Variants in ASIC2 observed in about 807,000 individuals in gnomAD.
ASIC2 encodes the protein acid-sensing ion channel 2.
In ASIC2, 25 loss-of-function variants were observed where a neutral mutation model predicts 57.3. That is an observed-to-expected ratio of 0.44 (90% CI 0.32 to 0.61). ASIC2 has a LOEUF of 0.61. ASIC2 is among the 20% of genes least tolerant of loss of function. The pLI is 0.06. For missense variants in ASIC2, 641 were observed against 738.1 expected (o/e 0.87, Z 1.52); for synonymous variants, 319 against 307.5 (o/e 1.04, Z -0.39).
intron 1 of ASIC2, among the ~76,000 whole-genome samples, chr17:33,327,324 A>G (rs1392840272): frequency 6.6e-6 from 1 of 152,198 alleles, no homozygotes; most frequent in East Asian, 1.9e-4. Flanking sequence ...TGCTTAGTAC[A>G]GTTTCCAAGG....
intron 1 of ASIC2, among the ~76,000 whole-genome samples, chr17:34,114,554 T>C (rs1034978691): frequency 1.3e-5 from 2 of 152,204 alleles, no homozygotes; most frequent in Admixed American, 1.3e-4. Context: ...CCTAACTTCT[T>C]AGATCCACAT....
At chr17:33,431,033 G>A (rs1353933568) in intron 1 of ASIC2, among the ~76,000 whole-genome samples, 1 of 152,112 alleles carries the variant, frequency 6.6e-6, no homozygotes, top group Admixed American at 6.5e-5. Flanking sequence ...GCAGAGGGGG[G>A]CAGCAAGGTA....
chr17:33,116,820 T>C (rs2141992674), intron 1 of ASIC2, among the ~76,000 whole-genome samples: 1 of 152,276 alleles, frequency 6.6e-6, no homozygotes, highest in Middle Eastern at 3.4e-3. Context: ...TACTTTGTGC[T>C]GACCCCAGAT....
At chr17:33,223,148 C>T (rs190471240) in intron 1 of ASIC2, among the ~76,000 whole-genome samples, 1 of 152,262 alleles carries the variant, frequency 6.6e-6, no homozygotes, top group Non-Finnish European at 1.5e-5. Flanking sequence ...CAACCATCTC[C>T]TTCCCCCTTT....
chr17:34,107,751 T>C (rs1911113501), intron 1 of ASIC2, among the ~76,000 whole-genome samples: 1 of 152,246 alleles, frequency 6.6e-6, no homozygotes. Context: ...CTAGTTATGG[T>C]ATTAATTTGA....
Position 33,013,376 on chromosome 17 carries a change from C to T in ASIC2, c.*589G>A, listed in dbSNP as rs1053761181. The T allele has an allele frequency of 1.3e-5, 2 of 154,912 alleles. No individual in the cohort carries two copies. Among genetic ancestry groups the T allele is most frequent in the African/African-American group, 4.8e-5 (2 of 41,398 alleles). The allele number at this position is 154,912 out of a possible 1,614,324, so 9.6% of individuals were successfully genotyped here. On this transcript the variant is annotated 3_prime_UTR_variant, in exon 10 of 10. Coordinates refer to ENST00000225823, the MANE Select transcript of ASIC2 (RefSeq NM_183377.2). ...CTGGCTGCTGTGCCGCCGTCATAGG[C>T]ACTGGGGGGGAGGGAGGTTGGCGCG...
intron 1 of ASIC2, among the ~76,000 whole-genome samples, chr17:33,663,615 G>A (rs568838869): frequency 8.9e-4 from 136 of 152,228 alleles, no homozygotes; most frequent in African/African-American, 3.1e-3. Context: ...CTCGAGGTTC[G>A]TGGCAGGGCT....
chr17:33,731,319 A>G (rs1027120078), intron 1 of ASIC2, among the ~76,000 whole-genome samples: 1 of 152,156 alleles, frequency 6.6e-6, no homozygotes, highest in Non-Finnish European at 1.5e-5. Context: ...TAGGAGTGCT[A>G]TATTTTAGGG....
intron 1 of ASIC2, among the ~76,000 whole-genome samples, chr17:33,899,518 G>A (rs912746394): frequency 1.3e-5 from 2 of 152,160 alleles, no homozygotes; most frequent in African/African-American, 2.4e-5. Flanking sequence ...CCTGAGCAAC[G>A]GATGAATGAG....
At chr17:34,109,885 T>G (rs1911204909) in intron 1 of ASIC2, among the ~76,000 whole-genome samples, 1 of 152,136 alleles carries the variant, frequency 6.6e-6, no homozygotes, top group South Asian at 2.1e-4. Context: ...TCTCTCTTTA[T>G]CTATCTATCG....
chr17:33,970,581 C>T (rs1370446626), intron 1 of ASIC2, among the ~76,000 whole-genome samples: 1 of 152,230 alleles, frequency 6.6e-6, no homozygotes, highest in African/African-American at 2.4e-5. Context: ...CAGCGGCCTC[C>T]ACTCCAACCT....
At chr17:33,742,491 T>G (rs1910141308) in intron 1 of ASIC2, among the ~76,000 whole-genome samples, 1 of 152,198 alleles carries the variant, frequency 6.6e-6, no homozygotes, top group Non-Finnish European at 1.5e-5. Context: ...TTTGTGCTCC[T>G]CTAGAGAGGA....
At chr17:33,369,355 A>G (rs937743436) in intron 1 of ASIC2, among the ~76,000 whole-genome samples, 16 of 152,168 alleles carry the variant, frequency 1.1e-4, no homozygotes, top group African/African-American at 2.9e-4. Context: ...CCTAATTGGA[A>G]CAAGCCCAGA....
chr17:33,830,597 G>A (rs916458402), intron 1 of ASIC2, among the ~76,000 whole-genome samples: 29 of 152,080 alleles, frequency 1.9e-4, no homozygotes, highest in South Asian at 4.2e-4. Context: ...TGCAGAAAGT[G>A]CAAGTTTGTT....
intron 1 of ASIC2, among the ~76,000 whole-genome samples, chr17:33,455,499 C>T (rs184452504): frequency 4.4e-4 from 67 of 152,342 alleles, no homozygotes; most frequent in African/African-American, 1.4e-3. Context: ...GCTGCATCCA[C>T]GTTGCTGCAA....
intron 1 of ASIC2, among the ~76,000 whole-genome samples, chr17:33,503,834 A>G (rs1179834649): frequency 1.3e-5 from 2 of 152,208 alleles, no homozygotes; most frequent in African/African-American, 4.8e-5. Context: ...CCCTAGGGAC[A>G]CTATCAACTC....
chr17:33,797,713 T>C (rs1911960535), intron 1 of ASIC2, among the ~76,000 whole-genome samples: 1 of 152,214 alleles, frequency 6.6e-6, no homozygotes, highest in South Asian at 2.1e-4. Flanking sequence ...GAGTTTGCGC[T>C]TCCCTGGTTC....
At position 33,035,137 on chromosome 17, in the gene ASIC2, A is replaced by G. The variant is rs186422475; in HGVS notation, c.988-6745T>C. On this transcript the variant is annotated intron_variant, in intron 3 of 9. Transcript: ENST00000225823. ...CCATGCAACAATTTGTAAATTTCAG[A>G]TGGTGTGATTTTCAGTTCTAGGGCT... is the stretch of plus-strand genomic sequence containing the variant. Among the ~76,000 whole-genome samples the G allele has an allele frequency of 7.2e-5, 11 of 152,224 alleles. No homozygotes were observed. The East Asian group carries it at 1.7e-3, about 24-fold the overall frequency.
intron 1 of ASIC2, among the ~76,000 whole-genome samples, chr17:34,074,912 A>C (rs151228884): frequency 6.6e-6 from 1 of 150,790 alleles, no homozygotes; most frequent in East Asian, 2.0e-4. Context: ...CAGCCCCCTG[A>C]GTAGTTGGGA....
Sources: gnomAD v4.1 joint callset for allele counts (sites outside exome capture counted in the v4.1 genomes callset) on GRCh38, gnomAD v4.1.1 for gene constraint, MANE v1.5 for transcripts, NCBI Gene and HGNC (gene_info 2026-07-23, HGNC 2026-07-21) for gene names.